The following LARGE1 variants were observed in gnomAD, a reference collection of about 807,000 sequenced individuals.
LARGE1 encodes the protein xylosyl- and glucuronyltransferase LARGE1.
In LARGE1, 43 loss-of-function variants were observed where a neutral mutation model predicts 87.6. The ratio of observed to expected loss-of-function variants is 0.49; its 90% confidence interval spans 0.38 to 0.63. The LOEUF (loss-of-function observed/expected upper bound fraction) is 0.63, where lower values mean the gene tolerates loss of function less well. Ranked by LOEUF, LARGE1 falls within the 30% of genes least tolerant of loss-of-function variation. The pLI is 0.00. For missense variants in LARGE1, 802 were observed against 1,000.2 expected, an observed-to-expected ratio of 0.80 and a Z score of 2.67; for synonymous variants, 434 against 394.6, an observed-to-expected ratio of 1.10 and a Z score of -1.18.
At chr22:33,429,535 T>G (rs972457974) in intron 7 of LARGE1, among the ~76,000 whole-genome samples, 1 of 152,186 alleles carries the variant, frequency 6.6e-6, no homozygotes, top group Admixed American at 6.5e-5. Context: ...TTCCCTAGTG[T>G]GCTACATTCT....
chr22:33,607,535 G>A (rs2079302081), intron 4 of LARGE1, among the ~76,000 whole-genome samples: 1 of 150,906 alleles, frequency 6.6e-6, no homozygotes. Context: ...AGGATTTCAG[G>A]AGAACAGATA....
chr22:33,784,197 T>A (rs2085523691), intron 1 of LARGE1, among the ~76,000 whole-genome samples: 1 of 152,148 alleles, frequency 6.6e-6, no homozygotes, highest in Admixed American at 6.6e-5. Flanking sequence ...ACCAATAACA[T>A]TACGACTTGC....
chr22:33,103,382 G>A, the LARGE1 span, among the ~76,000 whole-genome samples: 30 of 126,382 alleles, frequency 2.4e-4, no homozygotes, highest in East Asian at 6.6e-3. Context: ...GCAGTGAGCC[G>A]AGATTGTGCC....
chr22:33,072,455 G>A, the LARGE1 span, among the ~76,000 whole-genome samples: 1 of 152,084 alleles, frequency 6.6e-6, no homozygotes, highest in Non-Finnish European at 1.5e-5. Flanking sequence ...TTCTTAGCTG[G>A]CTGATCAGGA....
chr22:33,818,459 G>A (rs934596187), intron 1 of LARGE1, among the ~76,000 whole-genome samples: 2 of 152,118 alleles, frequency 1.3e-5, no homozygotes, highest in East Asian at 1.9e-4. Context: ...GGAGAAAAGA[G>A]GAGGGGAGGA....
intron 6 of LARGE1, among the ~76,000 whole-genome samples, chr22:33,439,213 CAAAA>C (rs1158386811): frequency 1.1e-5 from 1 of 90,078 alleles, no homozygotes. Flanking sequence ...GACTCCATCT[CAAAA>C]AAAAAAAAAA....
intron 9 of LARGE1, among the ~76,000 whole-genome samples, chr22:33,353,610 C>T (rs932347607): frequency 3.4e-4 from 52 of 152,196 alleles, no homozygotes; most frequent in African/African-American, 1.0e-3. Context: ...TGTAGGCTTA[C>T]GCTACGTGAT....
chr22:33,126,314 A>T, the LARGE1 span, among the ~76,000 whole-genome samples: 1 of 152,228 alleles, frequency 6.6e-6, no homozygotes, highest in South Asian at 2.1e-4. Flanking sequence ...AGACATTCAA[A>T]CCAAAGCTGG....
intron 11 of LARGE1, among the ~76,000 whole-genome samples, chr22:33,227,176 T>C (rs1449022271): frequency 1.3e-5 from 2 of 152,194 alleles, no homozygotes; most frequent in Non-Finnish European, 2.9e-5. Flanking sequence ...TTATGCCCAT[T>C]TGACAGACAA....
Position 33,719,220 on chromosome 22 carries a change from TACG to T in LARGE1, c.106+42148_106+42150del, listed in dbSNP as rs1368383115. Among the ~76,000 whole-genome samples the T allele has an allele frequency of 7.0e-4, 107 of 152,354 alleles. 1 individual carries two copies. Among genetic ancestry groups the T allele is most frequent in the East Asian group, 1.7e-3 (9 of 5,192 alleles). ...AATGCGTTTGTTAGAAGCTGAGTGT[TACG>T]ACAAGAGTCAAAAAGCTTAAAAATA... On this transcript the variant is annotated intron_variant, in intron 2 of 14. Transcript: ENST00000397394.
intron 12 of LARGE1, among the ~76,000 whole-genome samples, chr22:33,301,464 A>C (rs550309299): frequency 2.9e-4 from 44 of 152,306 alleles, no homozygotes; most frequent in African/African-American, 1.0e-3. Context: ...ACAATTTTTA[A>C]AAATTAGTTG....
At chr22:33,388,040 C>T (rs1258262175) in intron 7 of LARGE1, among the ~76,000 whole-genome samples, 6 of 152,166 alleles carry the variant, frequency 3.9e-5, no homozygotes, top group Admixed American at 3.3e-4. Context: ...CATAATAACA[C>T]ATGGTATTTT....
At chr22:33,484,828 T>A (rs2069496797) in intron 6 of LARGE1, among the ~76,000 whole-genome samples, 1 of 152,132 alleles carries the variant, frequency 6.6e-6, no homozygotes, top group South Asian at 2.1e-4. Context: ...TTGTCATTTT[T>A]GTGACACTAT....
chr22:33,568,660 G>C (rs2078099927), intron 5 of LARGE1, among the ~76,000 whole-genome samples: 1 of 151,592 alleles, frequency 6.6e-6, no homozygotes, highest in Non-Finnish European at 1.5e-5. Context: ...CAGCTACTCG[G>C]GAGGCTGAGG....
At chr22:33,757,400 G>A (rs1253155699) in intron 2 of LARGE1, among the ~76,000 whole-genome samples, 1 of 152,042 alleles carries the variant, frequency 6.6e-6, no homozygotes, top group African/African-American at 2.4e-5. Flanking sequence ...GTAGAATGTC[G>A]GCACCCTGCT....
chr22:33,410,872 T>C (rs1325091205), intron 7 of LARGE1, among the ~76,000 whole-genome samples: 1 of 152,140 alleles, frequency 6.6e-6, no homozygotes, highest in Non-Finnish European at 1.5e-5. Context: ...TATGAGCTGG[T>C]GCACGTGAAA....
intron 2 of LARGE1, chr22:33,732,614 G>C (rs993776218): frequency 6.6e-6 from 1 of 152,278 alleles, no homozygotes; most frequent in African/African-American, 2.4e-5. Flanking sequence ...CATAGTACCA[G>C]ACACCAGAGT....
intron 6 of LARGE1, among the ~76,000 whole-genome samples, chr22:33,484,977 T>C (rs1453088748): frequency 2.0e-5 from 3 of 149,696 alleles, no homozygotes; most frequent in Non-Finnish European, 3.0e-5. Context: ...AGTGGCACGA[T>C]CTTGGCTCAC....
intron 4 of LARGE1, among the ~76,000 whole-genome samples, chr22:33,617,266 C>T (rs1199981143): frequency 1.3e-5 from 2 of 152,192 alleles, no homozygotes; most frequent in Non-Finnish European, 2.9e-5. Context: ...TCTTTATATG[C>T]GTGACTTCTG....
Sources: allele counts gnomAD v4.1 joint callset (sites outside exome capture counted in the v4.1 genomes callset), GRCh38; gene constraint gnomAD v4.1.1; transcripts MANE v1.5; gene names NCBI Gene and HGNC (gene_info 2026-07-23, HGNC 2026-07-21).